Variants in GOLGA4 observed in about 807,000 individuals in gnomAD.
GOLGA4 encodes golgin A4.
Under a neutral mutation model 265.9 loss-of-function variants are expected in GOLGA4, and 169 were observed. The ratio of observed to expected loss-of-function variants is 0.64; its 90% CI spans 0.56 to 0.72. The LOEUF (loss-of-function observed/expected upper bound fraction) is 0.72, where lower values mean the gene tolerates loss of function less well. Among genes scored for constraint, GOLGA4 ranks in the 30% least tolerant of loss-of-function variants. The pLI, the probability that GOLGA4 is intolerant of heterozygous loss-of-function variation, is 0.00. For missense variants in GOLGA4, 2,482 were observed against 2,483.4 expected, an observed-to-expected ratio of 1.00 and a Z score of 0.01; for synonymous variants, 923 against 855.8, an observed-to-expected ratio of 1.08 and a Z score of -1.37.
chr3:37,328,180 T>C (rs2096977947), intron 14 of GOLGA4, among the ~76,000 whole-genome samples: 1 of 151,636 alleles, frequency 6.6e-6, no homozygotes, highest in African/African-American at 2.4e-5. Context: ...AAACAAAAAT[T>C]CTCTGGTCCC....
rs1559431593 is a variant in GOLGA4 at position 37,324,931 on chromosome 3, T to C, written c.3045T>C (p.Ser1015=). ...CACAGGCTAACTCAGCTGGAATCAG[T>C]GATGCAGTGTCAAGACTGGAAACAA... ...EMAQANSAGI[S]DAVSRLETNQ... Residue 1015 remains serine, a synonymous_variant, in exon 14 of 24, where the codon AGT becomes AGC. Transcript: ENST00000361924. The C allele has an allele frequency of 1.2e-6, 2 of 1,612,576 alleles. No individual in the cohort carries two copies. The highest frequency in any genetic ancestry group is 1.7e-6 in the Non-Finnish European group (2 of 1,179,578).
Position 37,325,860 on chromosome 3 carries a change from A to C in GOLGA4, c.3974A>C (p.Lys1325Thr). 2.5e-6 allele frequency: 4 copies of C among 1,613,676 alleles called. No individual in the cohort carries two copies. Among genetic ancestry groups the C allele is most frequent in the Non-Finnish European group, 3.4e-6 (4 of 1,179,688 alleles). The change falls in exon 14 of 24, where the codon AAG becomes ACG. Residue 1325 changes from lysine to threonine, a missense_variant. Lys to Thr is a moderately conservative substitution (Grantham distance 78). Coordinates refer to ENST00000361924, the MANE Select transcript of GOLGA4 (RefSeq NM_002078.5). ...SLVTEKEALQ[K>T]EGGNQQQAAS... The stretch of plus-strand genomic sequence containing the variant: ...GTAACAGAAAAAGAAGCCTTACAGA[A>C]GGAAGGAGGCAATCAGCAACAGGCT...
intron 14 of GOLGA4, 42 bp downstream of exon 14, chr3:37,327,867 CTTAA>C (rs1272118050): frequency 4.1e-6 from 6 of 1,469,086 alleles, no homozygotes; most frequent in African/African-American, 1.4e-5. Flanking sequence ...GGCAGTCCTT[CTTAA>C]TTAAGTCTCC....
In GOLGA4 at chr3:37,319,113, G is replaced by C. The variant is rs758974666; in HGVS notation, c.1464G>C (p.Glu488Asp). The C allele has an allele frequency of 3.7e-6, 6 of 1,610,540 alleles. No individual in the cohort carries two copies. The South Asian group carries it at 6.6e-5, about 18-fold the overall frequency. The change falls in exon 12 of 24, where the codon GAG (glutamate) becomes GAC (aspartate). Residue 488 changes from glutamate (E) to aspartate (D), a missense_variant. By Grantham distance (45) the Glu-to-Asp change is conservative. Coordinates refer to ENST00000361924, the MANE Select transcript of GOLGA4 (RefSeq NM_002078.5). Reference sequence around the variant, plus strand: ...AGCTACAGAAGCTTCATGAAAAGGAGCTGGCCAGAAAAGAGCAGGAACTGA... The same window carrying C: ...AGCTACAGAAGCTTCATGAAAAGGACCTGGCCAGAAAAGAGCAGGAACTGA... ...IAKLQKLHEK[E>D]LARKEQELTK...
chr3:37,249,657 A>C (rs1306570360), intron 1 of GOLGA4: 1 of 152,264 alleles, frequency 6.6e-6, no homozygotes, highest in South Asian at 2.1e-4. Flanking sequence ...GCACATAGCT[A>C]ATTTCATCTG....
At chr3:37,278,870 T>A (rs1174536582) in intron 2 of GOLGA4, among the ~76,000 whole-genome samples, 1 of 151,256 alleles carries the variant, frequency 6.6e-6, no homozygotes, top group Non-Finnish European at 1.5e-5. Flanking sequence ...TGTAGTGCAG[T>A]GGTGCAGTCA....
chr3:37,324,323 C>G lies in GOLGA4; in HGVS notation c.2437C>G (p.Gln813Glu), dbSNP rs780121753. The part of the protein sequence containing the change: ...FQSYQSATHE[Q>E]TKAYEEQLAQ... Reference sequence around the variant, plus strand: ...GTCTTACCAGAGTGCCACACATGAGCAGACAAAAGCATATGAGGAACAGTT... The same window carrying G: ...GTCTTACCAGAGTGCCACACATGAGGAGACAAAAGCATATGAGGAACAGTT... Residue 813 changes from glutamine (Q) to glutamate (E), a missense_variant, in exon 14 of 24, where the codon CAG becomes GAG. Transcript: ENST00000361924. 2 of 1,614,014 alleles carry G rather than the reference C, an allele frequency of 1.2e-6. No individual in the cohort carries two copies. The highest frequency in any genetic ancestry group is 2.7e-5 in the African/African-American group (2 of 74,920).
At chr3:37,279,286 T>A (rs1236529765) in intron 2 of GOLGA4, among the ~76,000 whole-genome samples, 1 of 152,222 alleles carries the variant, frequency 6.6e-6, no homozygotes, top group East Asian at 1.9e-4. Flanking sequence ...ACCCATATGA[T>A]GCCACAAGTG....
chr3:37,284,465 G>C (rs575254984), intron 3 of GOLGA4, among the ~76,000 whole-genome samples: 1 of 152,144 alleles, frequency 6.6e-6, no homozygotes, highest in South Asian at 2.1e-4. Context: ...TGTTGGCCAG[G>C]CTGGTCTTGA....
intron 3 of GOLGA4, among the ~76,000 whole-genome samples, chr3:37,283,851 A>G (rs1460115113): frequency 6.6e-6 from 1 of 152,124 alleles, no homozygotes; most frequent in African/African-American, 2.4e-5. Context: ...TTATAATGTC[A>G]TGTAATATTG....
chr3:37,331,157 C>T lies in GOLGA4; in HGVS notation c.6192+2064C>T, dbSNP rs998114167. On this transcript the variant is annotated intron_variant, in intron 16 of 23. Coordinates refer to ENST00000361924, the MANE Select transcript of GOLGA4 (RefSeq NM_002078.5). ...ATTTTAATAATATATGCTACCAATG[C>T]GATATAACCAAAATACTATCATTTC... is the stretch of plus-strand genomic sequence containing the variant. Among the ~76,000 whole-genome samples the T allele has an allele frequency of 3.3e-5, 5 of 151,556 alleles. No homozygotes were observed. The South Asian group carries it at 6.2e-4, about 19-fold the overall frequency.
At chr3:37,306,501 C>CTGTGTGTGTGTGTGTGTG (rs35641880) in intron 10 of GOLGA4, among the ~76,000 whole-genome samples, 3 of 140,102 alleles carry the variant, frequency 2.1e-5, no homozygotes, top group Non-Finnish European at 3.2e-5. Context: ...TGGCTGTTCT[C>CTGTGTGTGTGTGTGTGTG]TGTGTGTGTG....
At chr3:37,294,420 C>G (rs946100625) in intron 5 of GOLGA4, among the ~76,000 whole-genome samples, 2 of 144,276 alleles carry the variant, frequency 1.4e-5, no homozygotes, top group Non-Finnish European at 3.0e-5. Flanking sequence ...AAGCCTCACT[C>G]TATTACCCAG....
intron 10 of GOLGA4, among the ~76,000 whole-genome samples, chr3:37,304,500 A>G (rs1055806511): frequency 1.3e-5 from 2 of 152,214 alleles, no homozygotes; most frequent in Admixed American, 6.5e-5. Context: ...CATTGGTTCA[A>G]CAGGTTTGCT....
intron 2 of GOLGA4, among the ~76,000 whole-genome samples, chr3:37,279,060 G>C (rs533851848): frequency 1.3e-5 from 2 of 152,082 alleles, no homozygotes; most frequent in African/African-American, 2.4e-5. Context: ...ACACAAAGAC[G>C]GGGGGATGCT....
intron 11 of GOLGA4, among the ~76,000 whole-genome samples, chr3:37,315,813 A>G (rs992086134): frequency 1.1e-4 from 16 of 152,208 alleles, no homozygotes; most frequent in Non-Finnish European, 2.1e-4. Context: ...CCAGTGGACT[A>G]TGTTATAAAC....
intron 22 of GOLGA4, among the ~76,000 whole-genome samples, chr3:37,359,316 A>T (rs1334760863): frequency 6.6e-6 from 1 of 152,136 alleles, no homozygotes; most frequent in Non-Finnish European, 1.5e-5. Flanking sequence ...ATTTTTTTTA[A>T]AATGAGAGTA....
At chr3:37,300,027 G>A (rs904251115) in intron 9 of GOLGA4, among the ~76,000 whole-genome samples, 26 of 152,034 alleles carry the variant, frequency 1.7e-4, no homozygotes, top group African/African-American at 5.3e-4. Flanking sequence ...CTGCAGCCTG[G>A]GTGACAGGGT....
rs759105853 is a variant in GOLGA4 at position 37,326,400 on chromosome 3, A to G, written c.4514A>G (p.Asp1505Gly). The part of the protein sequence containing the change: ...FDCLKGEMED[D>G]KSKMEKKESN... ...TGTTTAAAGGGTGAAATGGAAGACG[A>G]CAAGAGCAAGATGGAGAAAAAGGAG... The change falls in exon 14 of 24, where the codon GAC becomes GGC. Residue 1505 changes from aspartate to glycine, a missense_variant. Physicochemically the swap from Asp to Gly is moderately conservative, Grantham distance 94. Transcript: ENST00000361924. 3 of 1,613,478 alleles carry G rather than the reference A, an allele frequency of 1.9e-6. No individual in the cohort carries two copies. Among genetic ancestry groups the G allele is most frequent in the South Asian group, 2.2e-5 (2 of 90,990 alleles).
Sources: allele counts gnomAD v4.1 joint callset (sites outside exome capture counted in the v4.1 genomes callset), GRCh38; gene constraint gnomAD v4.1.1; transcripts MANE v1.5; gene names NCBI Gene and HGNC (gene_info 2026-07-23, HGNC 2026-07-21).